SEC14L1: variants seen among roughly 807,000 people sequenced by gnomAD.
SEC14L1 encodes the protein SEC14 like lipid binding 1.
A neutral mutation model predicts 85.3 loss-of-function variants in SEC14L1; 48 were observed. The ratio of observed to expected loss-of-function variants is 0.56; its 90% CI spans 0.45 to 0.72. SEC14L1 has a LOEUF of 0.72. Ranked by LOEUF, SEC14L1 falls within the 30% of genes least tolerant of loss-of-function variation. The probability of loss-of-function intolerance (pLI) is 0.00; values close to 1 mark genes in which losing one functional copy is unlikely to be tolerated. For missense variants in SEC14L1, 682 were observed against 921.4 expected (o/e 0.74, Z 3.36); for synonymous variants, 391 against 355.5 (o/e 1.10, Z -1.12).
chr17:77,191,313 G>A lies in SEC14L1; in HGVS notation c.345+1G>A, dbSNP rs1975524019. The A allele has an allele frequency of 1.2e-6, 2 of 1,613,844 alleles. No individual in the cohort carries two copies. Among genetic ancestry groups the A allele is most frequent in the South Asian group, 1.1e-5 (1 of 91,006 alleles). ...CATTAATGAGCATTGCTGCTACACC[G>A]TGAGTAATCTGTCACTCGGCGGAAG... On this transcript the variant is annotated splice_donor_variant, in intron 5 of 16. Transcript: ENST00000436233. LOFTEE classifies it high-confidence loss of function.
rs1224629793 is a variant in SEC14L1, at chr17:77,194,721, A to C, written c.519A>C (p.Glu173Asp). ...ACTACCTTCGCCAATTAGAAGAAGA[A>C]GGCATAACCTTTGTGCCCCGTTGGA... The part of the protein sequence containing the change: ...IEYYLRQLEE[E>D]GITFVPRWSP... The change falls in exon 7 of 17, where the codon GAA becomes GAC. Residue 173 changes from glutamate (E) to aspartate (D), a missense_variant. Transcript: ENST00000436233. The C allele has an allele frequency of 1.4e-5, 23 of 1,614,092 alleles. No homozygotes were observed. The Admixed American group carries it at 3.3e-4, about 23-fold the overall frequency.
At chr17:77,154,884 G>A (rs1272568347) in intron 3 of SEC14L1, among the ~76,000 whole-genome samples, 3 of 152,190 alleles carry the variant, frequency 2.0e-5, no homozygotes. Flanking sequence ...CCTTTTAGGG[G>A]TCCGGCCTTC....
At chr17:77,120,348 C>A (rs952770690) in intron 3 of SEC14L1, among the ~76,000 whole-genome samples, 1 of 152,184 alleles carries the variant, frequency 6.6e-6, no homozygotes, top group Non-Finnish European at 1.5e-5. Context: ...CATGTCACAA[C>A]CACAGTGCCA....
intron 3 of SEC14L1, among the ~76,000 whole-genome samples, chr17:77,179,832 G>C (rs1047235393): frequency 1.6e-4 from 25 of 151,592 alleles, no homozygotes; most frequent in African/African-American, 6.1e-4. Context: ...CCGCCACCAC[G>C]CCCGGCTAAT....
chr17:77,205,417 G>A, intron 11 of SEC14L1, 71 bp downstream of exon 11: 15 of 1,368,000 alleles, frequency 1.1e-5, no homozygotes, highest in Non-Finnish European at 1.5e-5. Context: ...GTTGATTTTT[G>A]GAATTAAAAT....
chr17:77,121,572 T>C (rs1020618674), intron 3 of SEC14L1, among the ~76,000 whole-genome samples: 2 of 152,158 alleles, frequency 1.3e-5, no homozygotes, highest in Admixed American at 1.3e-4. Flanking sequence ...TTGGCCAGGA[T>C]GATCTCAATC....
At chr17:77,205,107 G>T in intron 10 of SEC14L1, 169 bp from the exon 11 acceptor site, 1 of 593,994 alleles carries the variant, frequency 1.7e-6, no homozygotes, top group Non-Finnish European at 3.0e-6. Flanking sequence ...TTATTTGTTG[G>T]TGGTGATGTG....
At chr17:77,175,002 G>T (rs978343427) in intron 3 of SEC14L1, among the ~76,000 whole-genome samples, 2 of 152,172 alleles carry the variant, frequency 1.3e-5, no homozygotes, top group African/African-American at 4.8e-5. Flanking sequence ...ATAAACGCAT[G>T]ATTTGTAAGA....
rs139177480 is a variant in SEC14L1, at chr17:77,212,105, G to T, written c.1767G>T (p.Gly589=). The T allele has an allele frequency of 1.2e-5, 19 of 1,614,032 alleles. No homozygotes were observed. The highest frequency in any genetic ancestry group is 1.4e-5 in the Non-Finnish European group (16 of 1,180,042). The change falls in exon 15 of 17, where the codon GGG becomes GGT. Residue 589 remains glycine (G), a synonymous_variant. Coordinates refer to ENST00000436233, the MANE Select transcript of SEC14L1 (RefSeq NM_001143998.2). ...LGAHSITSPG[G]NNVQLIDKVW... ...CCCACAGCATCACCTCTCCGGGTGGGAACAATGTGCAGCTCATAGACAAAG... is the reference window on the plus strand; with the variant it reads ...CCCACAGCATCACCTCTCCGGGTGGTAACAATGTGCAGCTCATAGACAAAG...
In SEC14L1 at chr17:77,206,580, A is replaced by G; in HGVS notation, c.1342-148A>G. 8.4e-7 allele frequency: 1 copy of G among 1,191,696 alleles called. No homozygotes were observed. 73.8% of individuals were successfully genotyped at this position (1,191,696 alleles called of 1,614,324 possible). A position where few individuals can be genotyped will look rare whatever the true frequency, so the allele number is the denominator to read the frequency against. On this transcript the variant is annotated intron_variant, in intron 12 of 16. Transcript: ENST00000436233. The surrounding 1 kb of genome is among the most constrained non-coding windows in gnomAD (Gnocchi z 4.3). ...GGGAAAAACAAAATGTGAGTGTCCTAATGCCATGCAAATAGACTTTACAGA... is the reference window on the plus strand; with the variant it reads ...GGGAAAAACAAAATGTGAGTGTCCTGATGCCATGCAAATAGACTTTACAGA...
At position 77,216,843 on chromosome 17, in the gene SEC14L1, G is replaced by A; in HGVS notation, c.*2820G>A. ...GGGGCAGCTATGGTTTGAGTATGCA[G>A]TTTGCATCGTGTTTCTACCTTTAGT... On this transcript the variant is annotated 3_prime_UTR_variant, in exon 17 of 17. Coordinates refer to ENST00000436233, the MANE Select transcript of SEC14L1 (RefSeq NM_001143998.2). 2.1e-6 allele frequency: 1 copy of A among 466,808 alleles called. No homozygotes were observed. Among genetic ancestry groups the A allele is most frequent in the Non-Finnish European group, 3.8e-6 (1 of 263,856 alleles). The allele number at this position is 466,808 out of a possible 1,614,324, so 28.9% of individuals were successfully genotyped here. A position where few individuals can be genotyped will look rare whatever the true frequency, so the allele number is the denominator to read the frequency against.
At chr17:77,173,559 G>A (rs554351255) in intron 3 of SEC14L1, among the ~76,000 whole-genome samples, 1 of 152,262 alleles carries the variant, frequency 6.6e-6, no homozygotes, top group South Asian at 2.1e-4. Flanking sequence ...CGTCAGCACA[G>A]GGCATAGCGT....
At chr17:77,147,021 C>T (rs544609331) in intron 3 of SEC14L1, among the ~76,000 whole-genome samples, 8 of 152,268 alleles carry the variant, frequency 5.3e-5, no homozygotes, top group Non-Finnish European at 1.0e-4. Flanking sequence ...AGAACGGAAC[C>T]GTAGCTTCCG....
In SEC14L1 at chr17:77,212,107, A is replaced by G; in HGVS notation, c.1769A>G (p.Asn590Ser). ...CACAGCATCACCTCTCCGGGTGGGAACAATGTGCAGCTCATAGACAAAGTC... is the reference window on the plus strand; with the variant it reads ...CACAGCATCACCTCTCCGGGTGGGAGCAATGTGCAGCTCATAGACAAAGTC... ...GAHSITSPGG[N>S]NVQLIDKVWQ... The change falls in exon 15 of 17, where the codon AAC becomes AGC. Residue 590 changes from asparagine (N) to serine (S), a missense_variant. Around this residue, in one of 3 missense-constraint regions of SEC14L1, gnomAD observed 420 missense variants for 619.5 expected, o/e 0.68. Transcript: ENST00000436233. The G allele has an allele frequency of 6.2e-7, 1 of 1,614,188 alleles. No individual in the cohort carries two copies. The highest frequency in any genetic ancestry group is 8.5e-7 in the Non-Finnish European group (1 of 1,180,032).
chr17:77,206,507 AAAC>A lies in SEC14L1; in HGVS notation c.1341+110_1341+112del. 1 of 1,362,842 alleles carries A rather than the reference AAAC, an allele frequency of 7.3e-7. No individual in the cohort carries two copies. Among genetic ancestry groups the A allele is most frequent in the African/African-American group, 1.5e-5 (1 of 68,520 alleles). The allele number at this position is 1,362,842 out of a possible 1,614,324, so 84.4% of individuals were successfully genotyped here. A position where few individuals can be genotyped will look rare whatever the true frequency, so the allele number is the denominator to read the frequency against. On this transcript the variant is annotated intron_variant, in intron 12 of 16. Transcript: ENST00000436233. The surrounding 1 kb of genome is among the most constrained non-coding windows in gnomAD (Gnocchi z 4.3). Reference sequence around the variant, plus strand: ...TAAAGTCTTAACTTCTTAGGAAAAAAAACAATAACATGCAAAGATATAAAATTT... The same window carrying A: ...TAAAGTCTTAACTTCTTAGGAAAAAAAATAACATGCAAAGATATAAAATTT...
intron 3 of SEC14L1, among the ~76,000 whole-genome samples, chr17:77,184,546 TG>T (rs1266833141): frequency 6.6e-6 from 1 of 152,226 alleles, no homozygotes; most frequent in Non-Finnish European, 1.5e-5. Flanking sequence ...ATCCCAGACT[TG>T]GTGAGTGGAG....
chr17:77,138,337 G>C (rs1303959917), upstream of SEC14L1, among the ~76,000 whole-genome samples: 1 of 152,074 alleles, frequency 6.6e-6, no homozygotes, highest in Non-Finnish European at 1.5e-5. Context: ...TAGGAGGTTG[G>C]TGGGCAGGGT....
At chr17:77,173,912 T>C (rs966047986) in intron 3 of SEC14L1, among the ~76,000 whole-genome samples, 1 of 151,856 alleles carries the variant, frequency 6.6e-6, no homozygotes, top group African/African-American at 2.4e-5. Flanking sequence ...TTTCTTTTTT[T>C]TTTTTTAAGG....
chr17:77,160,913 G>T (rs1043343994), intron 3 of SEC14L1, among the ~76,000 whole-genome samples: 4 of 152,144 alleles, frequency 2.6e-5, no homozygotes, highest in African/African-American at 9.7e-5. Context: ...GTGTTTGAGC[G>T]AACTATAGAC....
Sources: gnomAD v4.1 joint callset for allele counts (sites outside exome capture counted in the v4.1 genomes callset) on GRCh38, gnomAD v4.1.1 for gene constraint, gnomAD v4.1.1 regional missense constraint, Gnocchi (gnomAD v3.1) non-coding constraint, MANE v1.5 for transcripts, NCBI Gene and HGNC (gene_info 2026-07-23, HGNC 2026-07-21) for gene names.